The following CACNA1E variants were observed in gnomAD, a reference collection of about 807,000 sequenced individuals.
CACNA1E encodes voltage-dependent R-type calcium channel subunit alpha-1E.
CACNA1E carries 40 observed loss-of-function variants against 259.2 expected under a neutral mutation model. That is an observed-to-expected ratio of 0.15 (90% CI 0.12 to 0.20). CACNA1E has a LOEUF of 0.20. CACNA1E is among the 10% of genes least tolerant of loss of function. The probability of loss-of-function intolerance (pLI) is 1.00; values close to 1 mark genes in which losing one functional copy is unlikely to be tolerated. For missense variants in CACNA1E, 1,874 were observed against 3,040.1 expected, an observed-to-expected ratio of 0.62 and a Z score of 9.02; for synonymous variants, 1,104 against 1,138.5, an observed-to-expected ratio of 0.97 and a Z score of 0.61.
chr1:181,671,219 T>A (rs1245484421), intron 7 of CACNA1E, among the ~76,000 whole-genome samples: 1 of 152,112 alleles, frequency 6.6e-6, no homozygotes, highest in African/African-American at 2.4e-5. Context: ...AGAGGTGGGA[T>A]CTCACTTTGT....
chr1:181,781,407 T>C lies in CACNA1E; in HGVS notation c.5268-20T>C. The C allele has an allele frequency of 7.4e-7, 1 of 1,343,934 alleles. No homozygotes were observed. Among genetic ancestry groups the C allele is most frequent in the Non-Finnish European group, 1.1e-6 (1 of 952,172 alleles). 83.3% of individuals were successfully genotyped at this position (1,343,934 alleles called of 1,614,324 possible). A position where few individuals can be genotyped will look rare whatever the true frequency, so the allele number is the denominator to read the frequency against. On this transcript the variant is annotated intron_variant, in intron 38 of 47. Coordinates refer to ENST00000367573, the MANE Select transcript of CACNA1E (RefSeq NM_001205293.3). ...CCCCGCTAACCCACCCCATCCCAAC[T>C]CACCACCCTCCATGAGCAGTGGCCG...
At chr1:181,366,577 G>C (rs572664266) in intron 1 of CACNA1E, among the ~76,000 whole-genome samples, 2 of 152,132 alleles carry the variant, frequency 1.3e-5, no homozygotes, top group South Asian at 4.1e-4. Context: ...TTTGAGCCAA[G>C]GCTTCATAAG....
intron 3 of CACNA1E, among the ~76,000 whole-genome samples, chr1:181,531,085 A>C (rs958424008): frequency 6.6e-6 from 1 of 152,214 alleles, no homozygotes; most frequent in South Asian, 2.1e-4. Context: ...ACTGTGTGGC[A>C]GTGGTGTTTC....
At chr1:181,367,283 T>C (rs1654344716) in intron 1 of CACNA1E, among the ~76,000 whole-genome samples, 1 of 152,186 alleles carries the variant, frequency 6.6e-6, no homozygotes, top group African/African-American at 2.4e-5. Context: ...AGAAGCTCTT[T>C]TTTGAGTTGA....
intron 6 of CACNA1E, among the ~76,000 whole-genome samples, chr1:181,610,122 G>A (rs6700361): frequency 0.03 from 4,572 of 152,262 alleles, 190 homozygotes; most frequent in African/African-American, 0.099. Context: ...TACTGTAAAA[G>A]CCATGACAGT....
intron 7 of CACNA1E, among the ~76,000 whole-genome samples, chr1:181,658,054 C>G (rs1032362940): frequency 6.6e-6 from 1 of 152,184 alleles, no homozygotes; most frequent in African/African-American, 2.4e-5. Flanking sequence ...ATCTGATATT[C>G]TTTGTCCTAA....
chr1:181,457,604 C>CTA (rs986167644), intron 2 of CACNA1E, among the ~76,000 whole-genome samples: 1 of 152,066 alleles, frequency 6.6e-6, no homozygotes, highest in African/African-American at 2.4e-5. Flanking sequence ...ATTTCATGTG[C>CTA]TAGGCACAAC....
intron 1 of CACNA1E, among the ~76,000 whole-genome samples, chr1:181,374,468 A>G (rs1404528561): frequency 2.6e-5 from 4 of 151,996 alleles, no homozygotes; most frequent in African/African-American, 9.7e-5. Context: ...AAAAGAAAAA[A>G]AAAATTTTTT....
At chr1:181,629,607 A>G (rs1440116806) in intron 6 of CACNA1E, among the ~76,000 whole-genome samples, 1 of 152,104 alleles carries the variant, frequency 6.6e-6, no homozygotes, top group African/African-American at 2.4e-5. Flanking sequence ...AATGTCAACA[A>G]ATGATTAATA....
In CACNA1E at chr1:181,790,427, T is replaced by A; in HGVS notation, c.5787-18T>A. 6.6e-7 allele frequency: 1 copy of A among 1,517,748 alleles called. No homozygotes were observed. Among genetic ancestry groups the A allele is most frequent in the Non-Finnish European group, 9.2e-7 (1 of 1,091,972 alleles). The allele number at this position is 1,517,748 out of a possible 1,614,324, so 94.0% of individuals were successfully genotyped here. ...ATGACTGTCCCTCATTACCTCTGGA[T>A]TTGACATTGCTTTTCAGGAGTGGCC... On this transcript the variant is annotated intron_variant, in intron 43 of 47. Coordinates refer to ENST00000367573, the MANE Select transcript of CACNA1E (RefSeq NM_001205293.3).
intron 44 of CACNA1E, among the ~76,000 whole-genome samples, chr1:181,792,437 AGT>A (rs1474103790): frequency 5.9e-5 from 9 of 152,194 alleles, no homozygotes; most frequent in Non-Finnish European, 1.3e-4. Flanking sequence ...GTGCATATGG[AGT>A]GTGTGTCTCA....
intron 7 of CACNA1E, among the ~76,000 whole-genome samples, chr1:181,692,456 CAT>C (rs1227240883): frequency 6.6e-6 from 1 of 152,036 alleles, no homozygotes; most frequent in Non-Finnish European, 1.5e-5. Context: ...GAAACAGAAA[CAT>C]AGACCAATGA....
chr1:181,716,186 C>T (rs866217418), intron 10 of CACNA1E, 57 bp downstream of exon 10: 1 of 1,169,876 alleles, frequency 8.5e-7, no homozygotes. Context: ...AAAGGAAGAT[C>T]CTGTCTTTTG....
At chr1:181,503,760 G>C (rs1474347160) in intron 1 of CACNA1E, among the ~76,000 whole-genome samples, 2 of 152,210 alleles carry the variant, frequency 1.3e-5, no homozygotes, top group Non-Finnish European at 2.9e-5. Flanking sequence ...CAGTCCTTTT[G>C]TATTTCTTGT....
In CACNA1E at chr1:181,487,394, A is replaced by C. The variant is rs114750045; in HGVS notation, c.266+3384A>C. 4.3e-3 allele frequency among the ~76,000 whole-genome samples: 656 copies of C among 152,306 alleles called. 4 individuals are homozygous for C. The highest frequency in any genetic ancestry group is 0.013 in the African/African-American group (525 of 41,550). On this transcript the variant is annotated intron_variant, in intron 1 of 47. Coordinates refer to ENST00000367573, the MANE Select transcript of CACNA1E (RefSeq NM_001205293.3). Reference sequence around the variant, plus strand: ...GGGGAGGTCTAGTTCTTATGGGAAGAAATGCTCAAGATAACCCAGATTTGG... The same window carrying C: ...GGGGAGGTCTAGTTCTTATGGGAAGCAATGCTCAAGATAACCCAGATTTGG...
intron 3 of CACNA1E, among the ~76,000 whole-genome samples, chr1:181,544,684 A>G (rs2102802235): frequency 6.6e-6 from 1 of 152,248 alleles, no homozygotes; most frequent in South Asian, 2.1e-4. Flanking sequence ...CGTGCAGATA[A>G]TAAATGTTTA....
chr1:181,565,684 A>C (rs1649750357), intron 3 of CACNA1E, among the ~76,000 whole-genome samples: 1 of 152,240 alleles, frequency 6.6e-6, no homozygotes, highest in Admixed American at 6.5e-5. Context: ...TAAAAACAAT[A>C]GGTGTACATT....
intron 2 of CACNA1E, among the ~76,000 whole-genome samples, chr1:181,471,492 C>T (rs781281493): frequency 5.9e-5 from 9 of 152,144 alleles, no homozygotes; most frequent in Admixed American, 2.0e-4. Context: ...TTCAGCCTTC[C>T]ACAGATGTTG....
chr1:181,369,748 TAGG>T (rs1654543967), intron 1 of CACNA1E, among the ~76,000 whole-genome samples: 1 of 152,194 alleles, frequency 6.6e-6, no homozygotes, highest in Non-Finnish European at 1.5e-5. Context: ...ATTTGATTAG[TAGG>T]AGAAGAGGGG....
Sources: allele counts gnomAD v4.1 joint callset (sites outside exome capture counted in the v4.1 genomes callset), GRCh38; gene constraint gnomAD v4.1.1; transcripts MANE v1.5; gene names NCBI Gene and HGNC (gene_info 2026-07-23, HGNC 2026-07-21).